The following CASD1 variants were observed in gnomAD, a reference collection of about 807,000 sequenced individuals.
CASD1 encodes the protein N-acetylneuraminate (7)9-O-acetyltransferase.
Under a neutral mutation model 100.0 loss-of-function variants are expected in CASD1, and 41 were observed. That is an observed-to-expected ratio of 0.41 (90% CI 0.32 to 0.53). The LOEUF is 0.53. Ranked by LOEUF, CASD1 falls within the 20% of genes least tolerant of loss-of-function variation. The probability of loss-of-function intolerance (pLI) is 0.25; values close to 1 mark genes in which losing one functional copy is unlikely to be tolerated. For missense variants in CASD1, 774 were observed against 948.7 expected (o/e 0.82, Z 2.42); for synonymous variants, 321 against 315.6 (o/e 1.02, Z -0.18).
At chr7:94,593,681 T>C in the CASD1 span, among the ~76,000 whole-genome samples, 2 of 151,902 alleles carry the variant, frequency 1.3e-5, no homozygotes, top group African/African-American at 4.8e-5. Flanking sequence ...TTTAAGGAGG[T>C]ATGGAAGAGT....
the CASD1 span, among the ~76,000 whole-genome samples, chr7:94,614,565 A>C: frequency 3.3e-5 from 5 of 152,216 alleles, no homozygotes; most frequent in South Asian, 8.3e-4. Flanking sequence ...TACTCGCCCA[A>C]GCCCTTTCCC....
At chr7:94,528,285 T>A in intron 5 of CASD1, 35 bp downstream of exon 5, 4 of 1,356,730 alleles carry the variant, frequency 2.9e-6, no homozygotes, top group Non-Finnish European at 4.1e-6. Context: ...TTTTTTTTTT[T>A]TATTTTTATT....
the CASD1 span, among the ~76,000 whole-genome samples, chr7:94,610,025 TA>T: frequency 6.6e-6 from 1 of 152,132 alleles, no homozygotes; most frequent in Non-Finnish European, 1.5e-5. Context: ...TATTCAGTGC[TA>T]AAATGGAATA....
chr7:94,535,752 G>A (rs1458807731), intron 8 of CASD1, among the ~76,000 whole-genome samples: 1 of 151,950 alleles, frequency 6.6e-6, no homozygotes, highest in African/African-American at 2.4e-5. Context: ...AGGGAAGAGG[G>A]GAAATTAAAC....
the CASD1 span, among the ~76,000 whole-genome samples, chr7:94,594,770 T>C: frequency 1.3e-5 from 2 of 152,142 alleles, no homozygotes; most frequent in South Asian, 2.1e-4. Context: ...ATAAAAAGTT[T>C]ATTAAAGAAT....
Position 94,537,720 on chromosome 7 carries a change from A to T in CASD1, c.1092A>T (p.Leu364Phe). The change falls in exon 9 of 18, where the codon TTA becomes TTT. Residue 364 changes from leucine (L) to phenylalanine (F), a missense_variant. Physicochemically the swap from Leu to Phe is conservative, Grantham distance 22. Transcript: ENST00000297273. Reference sequence around the variant, plus strand: ...TTATCAATACCCCTGTGTCTTCATTAGAAATACTTTTACAATCTTTCTGCA... The same window carrying T: ...TTATCAATACCCCTGTGTCTTCATTTGAAATACTTTTACAATCTTTCTGCA... ...KNIINTPVSS[L>F]EILLQSFCKL... is the part of the protein sequence containing the mutation. 6.2e-7 allele frequency: 1 copy of T among 1,613,832 alleles called. No individual in the cohort carries two copies.
chr7:94,598,438 TAATC>T, the CASD1 span: 4,178 of 268,322 alleles, frequency 0.016, 43 homozygotes, highest in Non-Finnish European at 0.023. Context: ...TCTCTAAAAA[TAATC>T]AATTTGAAAT....
chr7:94,614,106 T>TA, the CASD1 span, among the ~76,000 whole-genome samples: 687 of 55,100 alleles, frequency 0.012, 10 homozygotes, highest in South Asian at 0.024. Context: ...CAAATTGAAA[T>TA]CAAAAAAAAA....
chr7:94,580,233 A>G, the CASD1 span, among the ~76,000 whole-genome samples: 16 of 152,192 alleles, frequency 1.1e-4, no homozygotes, highest in Middle Eastern at 3.4e-3. Context: ...TTTCATTCTT[A>G]ACATCCTTCA....
the CASD1 span, among the ~76,000 whole-genome samples, chr7:94,604,453 CAA>C: frequency 6.6e-6 from 1 of 151,564 alleles, no homozygotes; most frequent in South Asian, 2.1e-4. Context: ...TAAGGAAAAA[CAA>C]ATTTGGAAAA....
intron 10 of CASD1, among the ~76,000 whole-genome samples, chr7:94,540,776 ATCTC>A (rs1378881685): frequency 6.6e-6 from 1 of 152,192 alleles, no homozygotes; most frequent in Non-Finnish European, 1.5e-5. Flanking sequence ...TCCTAAGAAT[ATCTC>A]TGATGTATGA....
intron 17 of CASD1, 61 bp downstream of exon 17, chr7:94,554,636 C>A: frequency 1.9e-6 from 2 of 1,037,654 alleles, no homozygotes; most frequent in Non-Finnish European, 3.0e-6. Flanking sequence ...TGTGTATGTA[C>A]GTGTGTGTGT....
At chr7:94,623,556 C>A in the CASD1 span, 1 of 606,554 alleles carries the variant, frequency 1.6e-6, no homozygotes. Flanking sequence ...GAACTCAGAG[C>A]TTTTAGCAAT....
chr7:94,568,227 A>G, the CASD1 span, among the ~76,000 whole-genome samples: 1 of 152,190 alleles, frequency 6.6e-6, no homozygotes, highest in Non-Finnish European at 1.5e-5. Context: ...ATCGTCCCAT[A>G]CATGTCTATG....
chr7:94,517,350 A>G (rs1794031457), intron 1 of CASD1, among the ~76,000 whole-genome samples: 1 of 152,228 alleles, frequency 6.6e-6, no homozygotes. Flanking sequence ...AGTTAGGTGA[A>G]GTATAAGCCA....
the CASD1 span, among the ~76,000 whole-genome samples, chr7:94,562,906 T>TA: frequency 6.6e-6 from 1 of 152,134 alleles, no homozygotes; most frequent in Non-Finnish European, 1.5e-5. Flanking sequence ...CCTTTTTTTT[T>TA]ATGCCAGAGA....
At chr7:94,525,003 TGTAA>T (rs1376453301) in intron 3 of CASD1, among the ~76,000 whole-genome samples, 11 of 152,274 alleles carry the variant, frequency 7.2e-5, no homozygotes, top group African/African-American at 2.6e-4. Context: ...AAATTCCTTA[TGTAA>T]GAGAACGTTC....
the CASD1 span, chr7:94,629,134 T>C: frequency 6.6e-6 from 1 of 152,298 alleles, no homozygotes; most frequent in South Asian, 2.1e-4. Context: ...AATGATATGT[T>C]TTCTCTTGCT....
chr7:94,631,246 C>T, the CASD1 span, among the ~76,000 whole-genome samples: 8 of 151,610 alleles, frequency 5.3e-5, no homozygotes, highest in Middle Eastern at 3.4e-3. Flanking sequence ...TCCCATTCCG[C>T]GAAACAAGAA....
Sources: gnomAD v4.1 joint callset for allele counts (sites outside exome capture counted in the v4.1 genomes callset) on GRCh38, gnomAD v4.1.1 for gene constraint, MANE v1.5 for transcripts, NCBI Gene and HGNC (gene_info 2026-07-23, HGNC 2026-07-21) for gene names.